TMEM200A: variants seen among roughly 807,000 people sequenced by gnomAD.
TMEM200A encodes transmembrane protein 200A, also known as two transmembrane C.
Under a neutral mutation model 24.3 loss-of-function variants are expected in TMEM200A, and 12 were observed. That is an observed-to-expected ratio of 0.49 (90% CI 0.32 to 0.80). The LOEUF (loss-of-function observed/expected upper bound fraction) is 0.80. TMEM200A is among the 30% of genes least tolerant of loss of function. The pLI, the probability that TMEM200A is intolerant of heterozygous loss-of-function variation, is 0.04. For missense variants in TMEM200A, 545 were observed against 614.4 expected (o/e 0.89, Z 1.19); for synonymous variants, 224 against 224.4 (o/e 1.00, Z 0.02).
intron 2 of TMEM200A, among the ~76,000 whole-genome samples, chr6:130,434,324 C>T (rs1779948737): frequency 6.6e-6 from 1 of 152,190 alleles, no homozygotes; most frequent in Non-Finnish European, 1.5e-5. Flanking sequence ...ATTCTGTCTG[C>T]TAATTCAGTG....
intron 2 of TMEM200A, among the ~76,000 whole-genome samples, chr6:130,402,991 C>T (rs373883316): frequency 2.0e-5 from 3 of 152,116 alleles, no homozygotes; most frequent in East Asian, 3.9e-4. Flanking sequence ...TGCATCTTGC[C>T]TCCAGTTACC....
At chr6:130,377,002 T>C (rs1778471974) in intron 1 of TMEM200A, among the ~76,000 whole-genome samples, 1 of 152,208 alleles carries the variant, frequency 6.6e-6, no homozygotes, top group Non-Finnish European at 1.5e-5. Context: ...TAGCTCAGTG[T>C]CTTCTGGGAG....
At chr6:130,414,449 A>AAAAT (rs1331197339) in intron 2 of TMEM200A, among the ~76,000 whole-genome samples, 1 of 151,838 alleles carries the variant, frequency 6.6e-6, no homozygotes, top group Non-Finnish European at 1.5e-5. Flanking sequence ...AAAAAAAAAA[A>AAAAT]AAGCTGCAAT....
At chr6:130,421,834 T>C (rs1779599094) in intron 2 of TMEM200A, among the ~76,000 whole-genome samples, 1 of 152,170 alleles carries the variant, frequency 6.6e-6, no homozygotes, top group Non-Finnish European at 1.5e-5. Flanking sequence ...GTCTTCCAGA[T>C]TGACTCATGT....
Position 130,420,689 on chromosome 6 carries a change from G to A in TMEM200A, c.-16-19718G>A, listed in dbSNP as rs139547270. On this transcript the variant is annotated intron_variant, in intron 2 of 2. Coordinates refer to ENST00000296978, the MANE Select transcript of TMEM200A (RefSeq NM_001258277.2). ...AGATTCTGACATTCTTCAGCCTCGG[G>A]TCCTTAGCTCCCAGCAATGTCTTCA... Among the ~76,000 whole-genome samples the A allele has an allele frequency of 3.7e-3, 560 of 152,210 alleles. 16 individuals carry two copies. The highest frequency in any genetic ancestry group is 0.032 in the Admixed American group (492 of 15,274).
At chr6:130,427,729 T>G (rs1317563931) in intron 2 of TMEM200A, among the ~76,000 whole-genome samples, 1 of 152,170 alleles carries the variant, frequency 6.6e-6, no homozygotes, top group African/African-American at 2.4e-5. Context: ...TTTGTCTTTT[T>G]TTTTTTCATT....
At chr6:130,430,192 T>TTATAAATA (rs1307930745) in intron 2 of TMEM200A, among the ~76,000 whole-genome samples, 1 of 152,094 alleles carries the variant, frequency 6.6e-6, no homozygotes, top group Non-Finnish European at 1.5e-5. Flanking sequence ...ACTACCTGGT[T>TTATAAATA]TATAAATACT....
At position 130,440,878 on chromosome 6, in the gene TMEM200A, CAA is replaced by C; in HGVS notation, c.458_459del (p.Lys153ArgfsTer16). ...ATGCCATTCTTCATGAAAACCGTGA[CAA>C]AGAGACCAAAATCATACACATGAGG... ...ANAILHENRDKETKIIHMRDI... is the reference protein window; with the variant it reads ...ANAILHENRDXETKIIHMRDI... On this transcript the variant is annotated frameshift_variant, in exon 3 of 3. Coordinates refer to ENST00000296978, the MANE Select transcript of TMEM200A (RefSeq NM_001258277.2). LOFTEE classifies it high-confidence loss of function. The C allele has an allele frequency of 6.2e-7, 1 of 1,614,014 alleles. No homozygotes were observed. The highest frequency in any genetic ancestry group is 8.5e-7 in the Non-Finnish European group (1 of 1,179,986).
chr6:130,426,435 G>A (rs1438994441), intron 2 of TMEM200A, among the ~76,000 whole-genome samples: 1 of 149,094 alleles, frequency 6.7e-6, no homozygotes, highest in Non-Finnish European at 1.5e-5. Flanking sequence ...TGTAAATTAG[G>A]TTAAGGAGAA....
rs1257988135 is a variant in TMEM200A, at chr6:130,366,599, C to A, written c.-81+75C>A. On this transcript the variant is annotated intron_variant, in intron 1 of 2. Coordinates refer to ENST00000296978, the MANE Select transcript of TMEM200A (RefSeq NM_001258277.2). The surrounding 1 kb of genome is among the most constrained non-coding windows in gnomAD (Gnocchi z 4.4). ...CCACCGCAGCCGAAACCGGGCACTTCTTCAGCCCTCTGCCCTCCCCTCCCC... is the reference window on the plus strand; with the variant it reads ...CCACCGCAGCCGAAACCGGGCACTTATTCAGCCCTCTGCCCTCCCCTCCCC... The A allele has an allele frequency of 4.1e-6, 4 of 982,954 alleles. No individual in the cohort carries two copies. The East Asian group carries it at 4.5e-4, about 112-fold the overall frequency. 60.9% of individuals were successfully genotyped at this position (982,954 alleles called of 1,614,324 possible).
chr6:130,436,485 CAAA>C (rs11462643), intron 2 of TMEM200A, among the ~76,000 whole-genome samples: 3 of 114,802 alleles, frequency 2.6e-5, no homozygotes, highest in Non-Finnish European at 3.8e-5. Flanking sequence ...CAGCATTGAC[CAAA>C]AAAAAAAAAA....
intron 1 of TMEM200A, among the ~76,000 whole-genome samples, chr6:130,368,956 G>A (rs1267884595): frequency 6.6e-6 from 1 of 152,160 alleles, no homozygotes; most frequent in Non-Finnish European, 1.5e-5. Flanking sequence ...TTAAAATGCT[G>A]CAAGGCAAAT....
chr6:130,426,413 TGAG>T (rs2115194248), intron 2 of TMEM200A, among the ~76,000 whole-genome samples: 1 of 151,818 alleles, frequency 6.6e-6, no homozygotes, highest in East Asian at 1.9e-4. Context: ...ATCATCTTTA[TGAG>T]GAGATGAATG....
chr6:130,367,312 C>T (rs950337664), intron 1 of TMEM200A, among the ~76,000 whole-genome samples: 1 of 152,142 alleles, frequency 6.6e-6, no homozygotes, highest in African/African-American at 2.4e-5. Flanking sequence ...TGTCTCTTGC[C>T]TTGTCTCTTC....
At chr6:130,435,633 A>G (rs1362215637) in intron 2 of TMEM200A, among the ~76,000 whole-genome samples, 1 of 152,254 alleles carries the variant, frequency 6.6e-6, no homozygotes, top group Non-Finnish European at 1.5e-5. Context: ...TTTGGAAGTC[A>G]GATTTATAAT....
At chr6:130,377,055 C>T (rs1391829312) in intron 1 of TMEM200A, among the ~76,000 whole-genome samples, 3 of 152,188 alleles carry the variant, frequency 2.0e-5, no homozygotes, top group African/African-American at 7.2e-5. Context: ...CATTTATTGA[C>T]ACATACTGAG....
intron 1 of TMEM200A, among the ~76,000 whole-genome samples, chr6:130,373,416 C>T (rs1466866190): frequency 1.3e-5 from 2 of 152,076 alleles, no homozygotes; most frequent in East Asian, 3.8e-4. Flanking sequence ...TTTCTTTCTC[C>T]TTATTTTTAA....
At chr6:130,400,684 G>T (rs2115131872) in intron 2 of TMEM200A, among the ~76,000 whole-genome samples, 1 of 152,004 alleles carries the variant, frequency 6.6e-6, no homozygotes, top group Admixed American at 6.6e-5. Context: ...TAAGGTTTTT[G>T]TACTTCATGG....
chr6:130,406,914 T>C (rs541728981), intron 2 of TMEM200A, among the ~76,000 whole-genome samples: 1 of 152,334 alleles, frequency 6.6e-6, no homozygotes, highest in South Asian at 2.1e-4. Flanking sequence ...TTTTAAACTT[T>C]CTCCTTTCGT....
Sources: allele counts gnomAD v4.1 joint callset (sites outside exome capture counted in the v4.1 genomes callset), GRCh38; gene constraint gnomAD v4.1.1; non-coding constraint Gnocchi (gnomAD v3.1); transcripts MANE v1.5; gene names NCBI Gene and HGNC (gene_info 2026-07-23, HGNC 2026-07-21).